Variants in GLRX3 observed in about 807,000 individuals in gnomAD.
GLRX3 encodes glutaredoxin 3.
GLRX3 carries 22 observed loss-of-function variants against 49.5 expected under a neutral mutation model. The observed-to-expected ratio is 0.44, with a 90% CI of 0.32 to 0.63. The LOEUF (loss-of-function observed/expected upper bound fraction) is 0.63. GLRX3 is among the 30% of genes least tolerant of loss of function. The probability of loss-of-function intolerance (pLI) is 0.05; values close to 1 mark genes in which losing one functional copy is unlikely to be tolerated. For missense variants in GLRX3, 385 were observed against 396.3 expected (o/e 0.97, Z 0.24); for synonymous variants, 133 against 140.0 (o/e 0.95, Z 0.35).
chr10:130,175,223 C>T (rs1301131071), intron 10 of GLRX3, 134 bp downstream of exon 10: 3 of 663,590 alleles, frequency 4.5e-6, no homozygotes, highest in Non-Finnish European at 8.2e-6. Context: ...CATTTCTAGA[C>T]CAGTATCACC....
chr10:130,157,711 A>G (rs1399982079), intron 2 of GLRX3, among the ~76,000 whole-genome samples: 1 of 152,034 alleles, frequency 6.6e-6, no homozygotes, highest in Non-Finnish European at 1.5e-5. Context: ...AGTTGAAATG[A>G]TAACATGCTA....
At chr10:130,150,929 GTT>G (rs796193513) in intron 2 of GLRX3, among the ~76,000 whole-genome samples, 12 of 137,476 alleles carry the variant, frequency 8.7e-5, no homozygotes, top group African/African-American at 7.9e-5. Flanking sequence ...TGGTAGAATT[GTT>G]TTTTTTTTTT....
chr10:130,167,301 C>T (rs1156817994), intron 6 of GLRX3, among the ~76,000 whole-genome samples: 1 of 152,162 alleles, frequency 6.6e-6, no homozygotes, highest in African/African-American at 2.4e-5. Context: ...TGCTCCTTGG[C>T]GTAACCTCAG....
chr10:130,137,822 C>T (rs939195360), intron 1 of GLRX3, among the ~76,000 whole-genome samples: 10 of 152,170 alleles, frequency 6.6e-5, no homozygotes, highest in Non-Finnish European at 5.9e-5. Context: ...GCAGCCTCCG[C>T]CTCCCAGGCT....
At chr10:130,173,872 T>G (rs575040427) in intron 8 of GLRX3, among the ~76,000 whole-genome samples, 2 of 152,230 alleles carry the variant, frequency 1.3e-5, no homozygotes, top group Non-Finnish European at 2.9e-5. Flanking sequence ...ACAGTTTCCT[T>G]GGGAACTTGT....
chr10:130,166,475 G>A (rs772504497), intron 4 of GLRX3, 32 bp from the exon 5 acceptor site: 5 of 1,564,656 alleles, frequency 3.2e-6, no homozygotes, highest in Non-Finnish European at 4.4e-6. Context: ...GGAGAGAGAA[G>A]TTAAGTGCTT....
intron 10 of GLRX3, among the ~76,000 whole-genome samples, chr10:130,178,765 C>T (rs755125765): frequency 2.0e-5 from 3 of 152,152 alleles, no homozygotes; most frequent in East Asian, 1.9e-4. Flanking sequence ...TGCAATGGCA[C>T]GATCTTGGCT....
At chr10:130,143,056 C>G (rs59112182) in intron 1 of GLRX3, among the ~76,000 whole-genome samples, 13,163 of 152,208 alleles carry the variant, frequency 0.086, 914 homozygotes, top group African/African-American at 0.19. Flanking sequence ...ATTAAACTTC[C>G]TTTCCTCAGG....
chr10:130,176,246 A>C (rs1862917615), intron 10 of GLRX3, among the ~76,000 whole-genome samples: 1 of 150,888 alleles, frequency 6.6e-6, no homozygotes, highest in Non-Finnish European at 1.5e-5. Flanking sequence ...CAGCCTCCTG[A>C]GTAGCTGGGA....
intron 7 of GLRX3, among the ~76,000 whole-genome samples, chr10:130,170,661 A>G (rs780966258): frequency 1.3e-5 from 2 of 151,894 alleles, no homozygotes; most frequent in Admixed American, 6.6e-5. Flanking sequence ...TCTCAAAACT[A>G]TTTTTTTCTG....
intron 10 of GLRX3, 86 bp from the exon 11 acceptor site, chr10:130,179,256 A>G: frequency 1.5e-6 from 1 of 686,862 alleles, no homozygotes; most frequent in Admixed American, 2.7e-5. Context: ...TGGTTCTCAG[A>G]TATACATACA....
intron 2 of GLRX3, among the ~76,000 whole-genome samples, chr10:130,154,484 A>C (rs887951726): frequency 6.6e-6 from 1 of 152,158 alleles, no homozygotes; most frequent in Admixed American, 6.5e-5. Flanking sequence ...CTCAGCCTAA[A>C]CTATCAAAAC....
chr10:130,165,604 C>T (rs1358242928), intron 4 of GLRX3, among the ~76,000 whole-genome samples: 1 of 152,092 alleles, frequency 6.6e-6, no homozygotes, highest in Non-Finnish European at 1.5e-5. Flanking sequence ...TATATAACAA[C>T]AGAGAAGATA....
chr10:130,155,786 T>G (rs1333037006), intron 2 of GLRX3, among the ~76,000 whole-genome samples: 15 of 152,098 alleles, frequency 9.9e-5, no homozygotes, highest in Non-Finnish European at 1.3e-4. Flanking sequence ...TGAGTGTGGA[T>G]AGGCATAGAA....
intron 1 of GLRX3, among the ~76,000 whole-genome samples, chr10:130,141,523 A>G (rs1291502346): frequency 6.6e-6 from 1 of 152,170 alleles, no homozygotes; most frequent in African/African-American, 2.4e-5. Context: ...TCTTACTGTC[A>G]CTGTAGATGA....
At chr10:130,159,309 G>T (rs894774923) in intron 2 of GLRX3, among the ~76,000 whole-genome samples, 9 of 152,160 alleles carry the variant, frequency 5.9e-5, no homozygotes, top group African/African-American at 2.2e-4. Context: ...TACTAAATGT[G>T]TTTTAAATTC....
At position 130,142,109 on chromosome 10, in the gene GLRX3, G is replaced by A. The variant is rs574015847; in HGVS notation, c.93-3102G>A. Among the ~76,000 whole-genome samples, 3 of 152,236 alleles carry A rather than the reference G, an allele frequency of 2.0e-5. No individual in the cohort carries two copies. The East Asian group carries it at 5.8e-4, about 29-fold the overall frequency. On this transcript the variant is annotated intron_variant, in intron 1 of 10. Coordinates refer to ENST00000331244, the MANE Select transcript of GLRX3 (RefSeq NM_006541.5). ...TTGTGCTGGATGCAAATTAACATCC[G>A]GTGACTAGGGGCTCCTACAATGTGT...
chr10:130,155,366 T>C (rs1393256442), intron 2 of GLRX3, among the ~76,000 whole-genome samples: 1 of 152,200 alleles, frequency 6.6e-6, no homozygotes, highest in Non-Finnish European at 1.5e-5. Context: ...ATAAGTCAGT[T>C]ACTCTGGCTG....
chr10:130,163,785 T>C (rs951233740), intron 4 of GLRX3, among the ~76,000 whole-genome samples: 1 of 152,208 alleles, frequency 6.6e-6, no homozygotes, highest in Admixed American at 6.5e-5. Flanking sequence ...TTGTTTTTGC[T>C]CTTCTTCTGG....
Sources: allele counts gnomAD v4.1 joint callset (sites outside exome capture counted in the v4.1 genomes callset), GRCh38; gene constraint gnomAD v4.1.1; transcripts MANE v1.5; gene names NCBI Gene and HGNC (gene_info 2026-07-23, HGNC 2026-07-21).